SATB2: variants seen among roughly 807,000 people sequenced by gnomAD.
The protein encoded by SATB2 is DNA-binding protein SATB2.
SATB2 carries 1 observed loss-of-function variant against 73.4 expected under a neutral mutation model. The ratio of observed to expected loss-of-function variants is 0.01; its 90% confidence interval spans 0.00 to 0.06. The LOEUF is 0.06. Among genes scored for constraint, SATB2 ranks in the 10% least tolerant of loss-of-function variants. SATB2 has a pLI of 1.00. For synonymous variants in SATB2, 397 were observed against 367.0 expected (o/e 1.08, Z -0.93); for missense variants, 459 against 945.8 (o/e 0.49, Z 6.75).
intron 10 of SATB2, among the ~76,000 whole-genome samples, chr2:199,296,966 T>A (rs1418548372): frequency 2.6e-5 from 4 of 152,118 alleles, no homozygotes; most frequent in African/African-American, 9.7e-5. Context: ...TATAGAAAAA[T>A]TTTAAATATT....
At chr2:199,290,424 T>C (rs991339050) in intron 10 of SATB2, among the ~76,000 whole-genome samples, 1 of 152,164 alleles carries the variant, frequency 6.6e-6, no homozygotes, top group Non-Finnish European at 1.5e-5. Flanking sequence ...AATGAATATA[T>C]ACGTCTACAC....
intron 6 of SATB2, among the ~76,000 whole-genome samples, chr2:199,363,426 A>T (rs1689194853): frequency 6.6e-6 from 1 of 152,230 alleles, no homozygotes; most frequent in Non-Finnish European, 1.5e-5. Context: ...TCTCACTTAT[A>T]TGTGGAATTT....
At chr2:199,386,694 A>G (rs1194818754) in intron 3 of SATB2, among the ~76,000 whole-genome samples, 1 of 142,870 alleles carries the variant, frequency 7.0e-6, no homozygotes, top group African/African-American at 2.7e-5. Flanking sequence ...ACACGTGCGC[A>G]AGCGCGCGCG....
rs1430618609 is a variant in SATB2, at chr2:199,464,146, C to T, written c.-141+690G>A. Among the ~76,000 whole-genome samples the T allele has an allele frequency of 1.3e-5, 2 of 152,170 alleles. No individual in the cohort carries two copies. The highest frequency in any genetic ancestry group is 2.1e-4 in the South Asian group (1 of 4,828). On this transcript the variant is annotated intron_variant, in intron 1 of 11. Coordinates refer to the SATB2 transcript ENST00000260926. This position sits in a 1 kb window ranked among gnomAD's most constrained non-coding sequence, Gnocchi z 6.6. ...CTGTTTTCTCGGTATCACGAATCCC[C>T]TCGGACACCGTTTCAGTCCGTCAAG...
chr2:199,466,507 C>G (rs939214329), upstream of SATB2, among the ~76,000 whole-genome samples: 1 of 152,178 alleles, frequency 6.6e-6, no homozygotes, highest in African/African-American at 2.4e-5. Context: ...AGCACTGTCT[C>G]TCAGTATCAG....
intron 2 of SATB2, among the ~76,000 whole-genome samples, chr2:199,438,305 T>C (rs559209890): frequency 6.6e-6 from 1 of 152,304 alleles, no homozygotes; most frequent in East Asian, 1.9e-4. Context: ...TAACAATATA[T>C]AATTTTTTCT....
At chr2:199,277,897 T>C (rs977670167) in intron 10 of SATB2, among the ~76,000 whole-genome samples, 5 of 152,306 alleles carry the variant, frequency 3.3e-5, no homozygotes, top group African/African-American at 1.2e-4. Context: ...GTGCAGAGTT[T>C]GCAAGCAGCA....
At chr2:199,392,877 A>G (rs1052555664) in intron 3 of SATB2, among the ~76,000 whole-genome samples, 2 of 152,236 alleles carry the variant, frequency 1.3e-5, no homozygotes, top group African/African-American at 2.4e-5. Flanking sequence ...GTAAGTCAAC[A>G]TAAAAGAGGT....
chr2:199,447,021 T>A (rs1165201962), intron 2 of SATB2, among the ~76,000 whole-genome samples: 1 of 152,132 alleles, frequency 6.6e-6, no homozygotes, highest in Non-Finnish European at 1.5e-5. Flanking sequence ...AGTTTTAGTA[T>A]CCCCACCACA....
intron 7 of SATB2, 44 bp from the exon 8 acceptor site, chr2:199,328,954 GTA>G (rs1488181254): frequency 3.6e-5 from 53 of 1,472,940 alleles, no homozygotes; most frequent in Non-Finnish European, 4.7e-5. Flanking sequence ...ACATTTGCAG[GTA>G]TATGTGTGTG....
intron 7 of SATB2, among the ~76,000 whole-genome samples, chr2:199,331,066 G>T (rs1277424488): frequency 6.6e-6 from 1 of 152,080 alleles, no homozygotes; most frequent in Non-Finnish European, 1.5e-5. Flanking sequence ...ATTTTAACAA[G>T]TTGTGGAGTT....
chr2:199,369,317 G>C (rs1416584198), intron 5 of SATB2, among the ~76,000 whole-genome samples: 1 of 152,100 alleles, frequency 6.6e-6, no homozygotes, highest in Non-Finnish European at 1.5e-5. Context: ...TGAGTGCTTA[G>C]GTGCATGATT....
chr2:199,396,283 A>G (rs1175213397), intron 3 of SATB2: 1 of 152,204 alleles, frequency 6.6e-6, no homozygotes. Context: ...GAGATGCTTG[A>G]TAGTTCCATA....
intron 2 of SATB2, among the ~76,000 whole-genome samples, chr2:199,434,578 T>C (rs1159544821): frequency 1.3e-5 from 2 of 152,160 alleles, no homozygotes; most frequent in East Asian, 3.8e-4. Flanking sequence ...AATTAGTATG[T>C]TATGGGTCTT....
intron 7 of SATB2, among the ~76,000 whole-genome samples, chr2:199,333,491 G>A (rs766780304): frequency 5.3e-5 from 8 of 152,102 alleles, no homozygotes; most frequent in Non-Finnish European, 8.8e-5. Flanking sequence ...ATATTGGGCA[G>A]CGTGTGAAGC....
At chr2:199,404,965 G>A (rs1286474655) in intron 3 of SATB2, among the ~76,000 whole-genome samples, 1 of 152,186 alleles carries the variant, frequency 6.6e-6, no homozygotes, top group Non-Finnish European at 1.5e-5. Context: ...ATCTTAATGA[G>A]GTTCTACAAA....
rs188897131 is a variant in SATB2, at chr2:199,450,932, G to T, written c.169+4937C>A. On this transcript the variant is annotated intron_variant, in intron 2 of 10. Transcript: ENST00000417098. ...CTGTTTTCCCTTCTCTACAGAGATA[G>T]ATTGGTTAAAACAAAATTCAAGAAA... is the stretch of plus-strand genomic sequence containing the variant. Among the ~76,000 whole-genome samples the T allele has an allele frequency of 2.1e-3, 317 of 152,126 alleles. 2 individuals carry two copies. The highest frequency in any genetic ancestry group is 7.1e-3 in the African/African-American group (296 of 41,526).
chr2:199,357,790 T>C (rs577764087), intron 6 of SATB2, among the ~76,000 whole-genome samples: 1 of 152,104 alleles, frequency 6.6e-6, no homozygotes, highest in East Asian at 1.9e-4. Flanking sequence ...ATGAGTGTCA[T>C]CAGCATGGAC....
chr2:199,306,947 G>C (rs1351015443), intron 10 of SATB2, among the ~76,000 whole-genome samples: 2 of 152,076 alleles, frequency 1.3e-5, no homozygotes, highest in African/African-American at 2.4e-5. Context: ...GGAATAAATT[G>C]CTTTTTCCTT....
Sources: gnomAD v4.1 joint callset for allele counts (sites outside exome capture counted in the v4.1 genomes callset) on GRCh38, gnomAD v4.1.1 for gene constraint, Gnocchi (gnomAD v3.1) non-coding constraint, MANE v1.5 for transcripts, NCBI Gene and HGNC (gene_info 2026-07-23, HGNC 2026-07-21) for gene names.